The following FOXP1 variants were observed in gnomAD, a reference collection of about 807,000 sequenced individuals.
The protein encoded by FOXP1 is forkhead box protein P1.
FOXP1 carries 15 observed loss-of-function variants against 98.2 expected under a neutral mutation model. That is an observed-to-expected ratio of 0.15 (90% CI 0.10 to 0.24). FOXP1 has a LOEUF of 0.24. Among genes scored for constraint, FOXP1 ranks in the 10% least tolerant of loss-of-function variants. The pLI, the probability that FOXP1 is intolerant of heterozygous loss-of-function variation, is 1.00. For synonymous variants in FOXP1, 371 were observed against 314.5 expected (o/e 1.18, Z -1.90); for missense variants, 633 against 848.5 (o/e 0.75, Z 3.15).
At chr3:71,223,693 C>CAA (rs34686001) in intron 5 of FOXP1, among the ~76,000 whole-genome samples, 38 of 90,042 alleles carry the variant, frequency 4.2e-4, no homozygotes, top group Admixed American at 9.1e-4. Flanking sequence ...GACTACGTCT[C>CAA]AAAAAAAAAA....
chr3:71,499,457 T>G (rs2041168826), intron 2 of FOXP1, among the ~76,000 whole-genome samples: 3 of 152,216 alleles, frequency 2.0e-5, no homozygotes, highest in Admixed American at 2.0e-4. Flanking sequence ...CAAGTATACA[T>G]ATGTGCATAT....
At chr3:71,244,771 C>T (rs1000389437) in intron 5 of FOXP1, 5 of 151,852 alleles carry the variant, frequency 3.3e-5, no homozygotes, top group East Asian at 1.9e-4. Context: ...AAAAGACCTC[C>T]GCAATATTTC....
chr3:71,317,927 C>T (rs1371381913), intron 4 of FOXP1, among the ~76,000 whole-genome samples: 1 of 152,214 alleles, frequency 6.6e-6, no homozygotes, highest in Non-Finnish European at 1.5e-5. Flanking sequence ...TTTTCAGTCA[C>T]AGCTGCTGCT....
intron 2 of FOXP1, among the ~76,000 whole-genome samples, chr3:71,569,939 C>T (rs2047209276): frequency 6.6e-6 from 1 of 152,114 alleles, no homozygotes; most frequent in African/African-American, 2.4e-5. Flanking sequence ...CCAGCCACCA[C>T]GCCCGGCTAA....
intron 4 of FOXP1, among the ~76,000 whole-genome samples, chr3:71,341,350 T>C (rs2076995285): frequency 6.6e-6 from 1 of 152,134 alleles, no homozygotes; most frequent in African/African-American, 2.4e-5. Flanking sequence ...CACTCCTATA[T>C]AACCAACGAA....
chr3:71,302,097 T>C (rs547424735), intron 4 of FOXP1, among the ~76,000 whole-genome samples: 1 of 152,388 alleles, frequency 6.6e-6, no homozygotes, highest in East Asian at 1.9e-4. Context: ...ACATGCACGA[T>C]TGGCCACTCA....
chr3:71,024,273 CTTTGAGAAGCAGATGGGCTTCTTAT>C (rs1160524750), intron 11 of FOXP1, among the ~76,000 whole-genome samples: 2 of 152,202 alleles, frequency 1.3e-5, no homozygotes, highest in African/African-American at 4.8e-5. Flanking sequence ...ACTGAAAACA[CTTTGAGAAGCAGATGGGCTTCTTAT>C]TTCACACCGA....
chr3:71,197,141 G>A (rs376357771), intron 6 of FOXP1, among the ~76,000 whole-genome samples: 1 of 152,248 alleles, frequency 6.6e-6, no homozygotes, highest in East Asian at 1.9e-4. Context: ...CAAGAAAATG[G>A]TTTGAGCACT....
intron 2 of FOXP1, among the ~76,000 whole-genome samples, chr3:71,526,733 C>G (rs546721276): frequency 2.5e-4 from 38 of 152,152 alleles, no homozygotes; most frequent in African/African-American, 9.2e-4. Context: ...TTTGGGAGGC[C>G]GAGGTGGGCG....
chr3:71,158,109 G>GAGGAAGGA (rs1560038224), intron 6 of FOXP1, among the ~76,000 whole-genome samples: 46 of 18,274 alleles, frequency 2.5e-3, no homozygotes, highest in South Asian at 9.2e-3. Flanking sequence ...GGAAGGAAGG[G>GAGGAAGGA]AGGGAGGGAG....
chr3:71,571,914 A>G (rs997202807), intron 2 of FOXP1: 1 of 152,250 alleles, frequency 6.6e-6, no homozygotes, highest in African/African-American at 2.4e-5. Context: ...AGATGAAAGT[A>G]GACACACACT....
intron 4 of FOXP1, among the ~76,000 whole-genome samples, chr3:71,311,656 A>G (rs1315067617): frequency 1.3e-5 from 2 of 152,208 alleles, no homozygotes; most frequent in African/African-American, 4.8e-5. Context: ...GTATAGCTGG[A>G]AAGACCTCCA....
chr3:70,991,816 G>A (rs1309554601), intron 13 of FOXP1, among the ~76,000 whole-genome samples: 2 of 152,170 alleles, frequency 1.3e-5, no homozygotes, highest in African/African-American at 4.8e-5. Flanking sequence ...GAACTGGGAA[G>A]GGGCAGAAAT....
intron 7 of FOXP1, among the ~76,000 whole-genome samples, chr3:71,101,898 T>C (rs1321520966): frequency 6.6e-6 from 1 of 152,164 alleles, no homozygotes. Context: ...TGGGACATAA[T>C]GTAAAAGGAC....
chr3:71,047,574 C>A (rs1337778351), intron 9 of FOXP1, among the ~76,000 whole-genome samples: 1 of 152,102 alleles, frequency 6.6e-6, no homozygotes, highest in African/African-American at 2.4e-5. Flanking sequence ...AAAATCAGAC[C>A]TTTGAAGAAG....
At chr3:71,342,910 T>C (rs1490288747) in intron 4 of FOXP1, among the ~76,000 whole-genome samples, 2 of 152,228 alleles carry the variant, frequency 1.3e-5, no homozygotes, top group Non-Finnish European at 2.9e-5. Context: ...TGACAGATTG[T>C]ATTCAGTTTG....
chr3:71,082,466 G>C (rs1576642646), intron 7 of FOXP1, among the ~76,000 whole-genome samples: 1 of 150,950 alleles, frequency 6.6e-6, no homozygotes, highest in African/African-American at 2.4e-5. Context: ...TCACACACCG[G>C]GGCCTGTCAG....
chr3:71,476,070 C>T lies in FOXP1; in HGVS notation c.-168+17356G>A, dbSNP rs115713905. On this transcript the variant is annotated intron_variant, in intron 3 of 20. Coordinates refer to ENST00000649528, the MANE Select transcript of FOXP1 (RefSeq NM_001349338.3). ...ACACAACCTCAAGAAAGCAGATTAT[C>T]CGATAGCATTCAAAGTGAAACATCA... Among the ~76,000 whole-genome samples the T allele has an allele frequency of 9.4e-4, 143 of 152,192 alleles. 1 individual carries two copies. The highest frequency in any genetic ancestry group is 1.6e-3 in the Admixed American group (25 of 15,286).
chr3:71,013,878 T>C (rs2107722470), intron 12 of FOXP1, among the ~76,000 whole-genome samples: 1 of 152,158 alleles, frequency 6.6e-6, no homozygotes, highest in East Asian at 1.9e-4. Context: ...TTGACAAACC[T>C]GACAAAAACA....
Sources: allele counts gnomAD v4.1 joint callset (sites outside exome capture counted in the v4.1 genomes callset), GRCh38; gene constraint gnomAD v4.1.1; transcripts MANE v1.5; gene names NCBI Gene and HGNC (gene_info 2026-07-23, HGNC 2026-07-21).